P3H1: variants seen among roughly 807,000 people sequenced by gnomAD.
P3H1 encodes growth suppressor 1.
Under a neutral mutation model 84.0 loss-of-function variants are expected in P3H1, and 69 were observed. That is an observed-to-expected ratio of 0.82 (90% CI 0.68 to 1.00). The LOEUF is 1.00. P3H1 is among the 50% of genes least tolerant of loss of function. The pLI is 0.00. For missense variants in P3H1, 878 were observed against 962.8 expected (o/e 0.91, Z 1.17); for synonymous variants, 366 against 388.8 (o/e 0.94, Z 0.69).
rs1275556026 is a variant in P3H1, at chr1:42,747,708, C to T, written c.1914+15G>A. On this transcript the variant is annotated intron_variant, in intron 13 of 14. Transcript: ENST00000296388. ...ACTTTTTATCTCCCAGGGACAAGGA[C>T]AAGGGAGCACTCACCGTCACGGTCT... 6.2e-7 allele frequency: 1 copy of T among 1,613,732 alleles called. No individual in the cohort carries two copies. Among genetic ancestry groups the T allele is most frequent in the Non-Finnish European group, 8.5e-7 (1 of 1,179,640 alleles).
intron 8 of P3H1, among the ~76,000 whole-genome samples, chr1:42,753,318 T>C (rs75312341): frequency 5.9e-5 from 9 of 152,242 alleles, no homozygotes; most frequent in Non-Finnish European, 1.0e-4. Context: ...ATTCTTTTCA[T>C]ACGCTAATCT....
chr1:42,746,623 G>C lies in P3H1; in HGVS notation c.*74C>G. On this transcript the variant is annotated 3_prime_UTR_variant, in exon 15 of 15. Transcript: ENST00000296388. ...AGGCTCACTGCTCTGCAGCCCCGAG[G>C]GGCTGGCCAGCTCAGAGTGCAGAAG... 1 of 1,288,214 alleles carries C rather than the reference G, an allele frequency of 7.8e-7. No homozygotes were observed. The allele number at this position is 1,288,214 out of a possible 1,614,324, so 79.8% of individuals were successfully genotyped here.
chr1:42,752,486 G>T (rs760821206), intron 9 of P3H1, 51 bp downstream of exon 9: 5 of 1,613,224 alleles, frequency 3.1e-6, no homozygotes, highest in South Asian at 2.2e-5. Context: ...GGCACTTGGT[G>T]GGGGGATGCT....
Position 42,766,967 on chromosome 1 carries a change from G to T in P3H1, c.5C>A (p.Ala2Glu). The T allele has an allele frequency of 6.2e-7, 1 of 1,607,842 alleles. No homozygotes were observed. The highest frequency in any genetic ancestry group is 8.5e-7 in the Non-Finnish European group (1 of 1,179,762). M[A>E]VRALKLLTTL... is the part of the protein sequence containing the mutation. ...GGTCAGCAGCTTCAACGCGCGTACC[G>T]CCATCGCTCCCTCAGACCTAACGGA... Residue 2 changes from alanine (A) to glutamate (E), a missense_variant, in exon 1 of 15, where the codon GCG becomes GAG. Transcript: ENST00000296388.
intron 2 of P3H1, chr1:42,761,895 A>C (rs1277181959): frequency 4.8e-6 from 1 of 206,502 alleles, no homozygotes; most frequent in African/African-American, 2.4e-5. Context: ...CAAAAAAAAT[A>C]AAAAAGATGA....
chr1:42,754,460 T>C lies in P3H1; in HGVS notation c.1345+409A>G, dbSNP rs1229170947. ...TTGGGAGTGGGGAGACAGGATGAGT[T>C]AATACCTATGGAAGTGGACAACACT... On this transcript the variant is annotated intron_variant, in intron 8 of 14. Coordinates refer to ENST00000296388, the MANE Select transcript of P3H1 (RefSeq NM_022356.4). The surrounding 1 kb of genome is among the most constrained non-coding windows in gnomAD (Gnocchi z 4.0). Among the ~76,000 whole-genome samples, 2 of 152,038 alleles carry C rather than the reference T, an allele frequency of 1.3e-5. No individual in the cohort carries two copies. Among genetic ancestry groups the C allele is most frequent in the African/African-American group, 4.8e-5 (2 of 41,390 alleles).
intron 11 of P3H1, 83 bp downstream of exon 11, chr1:42,750,103 T>C (rs980738812): frequency 6.6e-7 from 1 of 1,506,826 alleles, no homozygotes; most frequent in Non-Finnish European, 9.1e-7. Flanking sequence ...GACCGCATCC[T>C]GTTCTCTCTG....
At chr1:42,764,975 C>T (rs991209077) in intron 1 of P3H1, among the ~76,000 whole-genome samples, 4 of 152,222 alleles carry the variant, frequency 2.6e-5, no homozygotes, top group Non-Finnish European at 4.4e-5. Flanking sequence ...AACCTCCTCT[C>T]TTGTGGACAA....
In P3H1 at chr1:42,747,264, GCT is replaced by G. The variant is rs772407715; in HGVS notation, c.2055+6_2055+7del. On this transcript the variant is annotated splice_donor_region_variant and intron_variant, in intron 14 of 14. Coordinates refer to ENST00000296388, the MANE Select transcript of P3H1 (RefSeq NM_022356.4). ...CCAGCTGCTCTCACCCGCTCGAGCT[GCT>G]CTCACCCGCTCGCTGTGTCGAGGGT... 1.9e-6 allele frequency: 3 copies of G among 1,613,956 alleles called. No individual in the cohort carries two copies. The highest frequency in any genetic ancestry group is 4.5e-5 in the East Asian group (2 of 44,890).
chr1:42,762,167 A>G, intron 2 of P3H1, 156 bp downstream of exon 2: 1 of 703,456 alleles, frequency 1.4e-6, no homozygotes, highest in South Asian at 1.6e-5. Context: ...ACTACTCAGG[A>G]GGCCGAGACT....
intron 4 of P3H1, 137 bp downstream of exon 4, chr1:42,758,715 T>C: frequency 1.9e-6 from 2 of 1,044,262 alleles, no homozygotes; most frequent in Admixed American, 3.7e-5. Context: ...TACCCAGGGA[T>C]CACTTGGCAT....
Position 42,748,155 on chromosome 1 carries a change from G to A in P3H1, c.1838+45C>T, listed in dbSNP as rs1651836360. ...GAGTGCAGGGCACTGTGGGGCCTCT[G>A]AGGAGGGCACAGACCTCCTCACCCT... On this transcript the variant is annotated intron_variant, in intron 12 of 14. Coordinates refer to ENST00000296388, the MANE Select transcript of P3H1 (RefSeq NM_022356.4). The A allele has an allele frequency of 2.8e-6, 4 of 1,427,842 alleles. No homozygotes were observed. The African/African-American group carries it at 5.6e-5, about 20-fold the overall frequency. The allele number at this position is 1,427,842 out of a possible 1,614,324, so 88.4% of individuals were successfully genotyped here. A position where few individuals can be genotyped will look rare whatever the true frequency, so the allele number is the denominator to read the frequency against.
chr1:42,766,479 G>A (rs575743881), intron 1 of P3H1, 28 bp downstream of exon 1: 5 of 1,565,006 alleles, frequency 3.2e-6, no homozygotes, highest in East Asian at 4.7e-5. Flanking sequence ...GAAGGACCCC[G>A]GCCGCCTGGT....
At chr1:42,747,119 TA>T in intron 14 of P3H1, 152 bp downstream of exon 14, 1 of 1,614,176 alleles carries the variant, frequency 6.2e-7, no homozygotes, top group Non-Finnish European at 8.5e-7. Flanking sequence ...AATGTGACCA[TA>T]ATGACAGGGC....
chr1:42,751,281 G>A (rs1652059789), intron 10 of P3H1, among the ~76,000 whole-genome samples: 1 of 89,866 alleles, frequency 1.1e-5, no homozygotes, highest in African/African-American at 4.4e-5. Flanking sequence ...CCAACCCTGT[G>A]CTCTCTGAAA....
rs748314407 is a variant in P3H1 at position 42,759,232 on chromosome 1, C to G, written c.777G>C (p.Glu259Asp). 8 of 1,614,052 alleles carry G rather than the reference C, an allele frequency of 5.0e-6. No individual in the cohort carries two copies. In the South Asian group the frequency reaches 6.6e-5, roughly 13 times the overall value. ...TGGCCTGGAAGAGGTCAGCGTTGTACTCAAGGTAGTTGTAGCCATCGTAGT... is the reference window on the plus strand; with the variant it reads ...TGGCCTGGAAGAGGTCAGCGTTGTAGTCAAGGTAGTTGTAGCCATCGTAGT... ...PYDYDGYNYL[E>D]YNADLFQAIT... Residue 259 changes from glutamate to aspartate, a missense_variant, in exon 3 of 15, where the codon GAG becomes GAC. Physicochemically the swap from Glu to Asp is conservative, Grantham distance 45. Transcript: ENST00000296388.
chr1:42,758,703 A>G, intron 4 of P3H1, 149 bp downstream of exon 4: 2 of 974,996 alleles, frequency 2.1e-6, no homozygotes, highest in Non-Finnish European at 3.2e-6. Flanking sequence ...TTTATAACAA[A>G]CTACCCAGGG....
intron 10 of P3H1, among the ~76,000 whole-genome samples, chr1:42,750,691 T>G (rs1388916278): frequency 1.3e-4 from 10 of 78,416 alleles, no homozygotes; most frequent in East Asian, 3.5e-4. Context: ...GGGAGGGAGG[T>G]GGGGGGGTCA....
chr1:42,747,416 AG>A lies in P3H1; in HGVS notation c.1915-5del. 1 of 1,609,924 alleles carries A rather than the reference AG, an allele frequency of 6.2e-7. No homozygotes were observed. The highest frequency in any genetic ancestry group is 8.5e-7 in the Non-Finnish European group (1 of 1,178,198). On this transcript the variant is annotated splice_polypyrimidine_tract_variant and splice_region_variant and intron_variant, in intron 13 of 14. Transcript: ENST00000296388. Reference sequence around the variant, plus strand: ...CACACTGAGGCTGCACCTCTGCCTAAGGGGGACAGAAAGGGAGGGGGGTTGC... The same window carrying A: ...CACACTGAGGCTGCACCTCTGCCTAAGGGGACAGAAAGGGAGGGGGGTTGC...
Sources: gnomAD v4.1 joint callset for allele counts (sites outside exome capture counted in the v4.1 genomes callset) on GRCh38, gnomAD v4.1.1 for gene constraint, Gnocchi (gnomAD v3.1) non-coding constraint, MANE v1.5 for transcripts, NCBI Gene and HGNC (gene_info 2026-07-23, HGNC 2026-07-21) for gene names.